IL1RAPL1: variants seen among roughly 807,000 people sequenced by gnomAD.
IL1RAPL1 encodes interleukin 1 receptor accessory protein like 1, also known as interleukin-1 receptor accessory protein-like 1.
IL1RAPL1 carries 3 observed loss-of-function variants against 48.4 expected under a neutral mutation model. That is an observed-to-expected ratio of 0.06 (90% CI 0.03 to 0.16). The LOEUF (loss-of-function observed/expected upper bound fraction) is 0.16, where lower values mean the gene tolerates loss of function less well. IL1RAPL1 is among the 10% of genes least tolerant of loss of function. IL1RAPL1 has a pLI of 1.00. For synonymous variants in IL1RAPL1, 185 were observed against 187.7 expected (o/e 0.99, Z 0.12); for missense variants, 349 against 530.6 (o/e 0.66, Z 3.36).
At chrX:29,416,297 C>T (rs1385036118) in intron 5 of IL1RAPL1, among the ~76,000 whole-genome samples, 1 of 111,436 alleles carries the variant, frequency 9.0e-6, no homozygotes, top group Non-Finnish European at 1.9e-5. Context: ...GACTGTAATC[C>T]TAGCACTTTG....
chrX:28,964,344 C>G (rs970738277), intron 2 of IL1RAPL1, among the ~76,000 whole-genome samples: 1 of 111,611 alleles, frequency 9.0e-6, no homozygotes, highest in Non-Finnish European at 1.9e-5. Context: ...ATCAATGTGT[C>G]TCTGCACATA....
chrX:28,682,601 C>T (rs1280890222), intron 1 of IL1RAPL1, among the ~76,000 whole-genome samples: 2 of 111,831 alleles, frequency 1.8e-5, no homozygotes, highest in Non-Finnish European at 3.8e-5. Flanking sequence ...AGGTATATAA[C>T]TAAGATTGGA....
At chrX:28,862,686 G>T (rs140719642) in intron 2 of IL1RAPL1, among the ~76,000 whole-genome samples, 77 of 111,500 alleles carry the variant, frequency 6.9e-4, no homozygotes, top group Non-Finnish European at 1.2e-3. Context: ...ACTTTGAAAA[G>T]AAATGCTTTC....
chrX:29,857,718 T>C (rs1931501357), intron 6 of IL1RAPL1, among the ~76,000 whole-genome samples: 1 of 111,774 alleles, frequency 8.9e-6, no homozygotes, highest in African/African-American at 3.2e-5. Flanking sequence ...ATATGAATTT[T>C]ATTTGACACA....
intron 6 of IL1RAPL1, among the ~76,000 whole-genome samples, chrX:29,882,593 A>G (rs1601864656): frequency 9.0e-6 from 1 of 111,676 alleles, no homozygotes; most frequent in Admixed American, 9.5e-5. Flanking sequence ...CCTTTATAGT[A>G]TAAAGGTGGA....
At chrX:29,734,145 C>T (rs1381807231) in intron 6 of IL1RAPL1, among the ~76,000 whole-genome samples, 3 of 112,271 alleles carry the variant, frequency 2.7e-5, no homozygotes, top group Non-Finnish European at 5.6e-5. Context: ...TTATTGATTC[C>T]GATTTTCTCT....
In IL1RAPL1 at chrX:29,585,372, C is replaced by T. The variant is rs192391119; in HGVS notation, c.704-83058C>T. Among the ~76,000 whole-genome samples, 320 of 112,141 alleles carry T rather than the reference C, an allele frequency of 2.9e-3. 1 individual carries two copies. The highest frequency in any genetic ancestry group is 1.0e-2 in the South Asian group (27 of 2,702). On this transcript the variant is annotated intron_variant, in intron 5 of 10. Coordinates refer to ENST00000378993, the MANE Select transcript of IL1RAPL1 (RefSeq NM_014271.4). ...CATGTTGCCATTTATTACACAATTT[C>T]CTTCTTTTTAAAAGGTGTATTCCAT...
At chrX:29,335,285 AGG>A (rs1258828926) in intron 3 of IL1RAPL1, among the ~76,000 whole-genome samples, 1 of 1,880 alleles carries the variant, frequency 5.3e-4, no homozygotes, top group Non-Finnish European at 0.012. Flanking sequence ...GAGAGGGGAG[AGG>A]GGAGAGGGGA....
chrX:28,753,971 A>G (rs1051650195), intron 1 of IL1RAPL1, among the ~76,000 whole-genome samples: 9 of 110,964 alleles, frequency 8.1e-5, no homozygotes, highest in African/African-American at 2.9e-4. Context: ...AACACACCCT[A>G]AAAGGTTTTC....
rs1935536006 is a variant in IL1RAPL1 at position 29,524,727 on chromosome X, C to A, written c.703+125419C>A. On this transcript the variant is annotated intron_variant, in intron 5 of 10. Transcript: ENST00000378993. ...ATATTTTTGTACCACGTAAGTTCATCAGAAGCCTGACTTTAATCTCTGATT... is the reference window on the plus strand; with the variant it reads ...ATATTTTTGTACCACGTAAGTTCATAAGAAGCCTGACTTTAATCTCTGATT... 2.7e-5 allele frequency among the ~76,000 whole-genome samples: 3 copies of A among 112,259 alleles called. No homozygotes were observed. The South Asian group carries it at 1.1e-3, about 41-fold the overall frequency.
At chrX:29,865,673 G>A (rs1465434006) in intron 6 of IL1RAPL1, among the ~76,000 whole-genome samples, 3 of 80,074 alleles carry the variant, frequency 3.7e-5, no homozygotes, top group African/African-American at 5.2e-5. Context: ...GTCTTCCTCT[G>A]TCAAATAGGC....
intron 2 of IL1RAPL1, among the ~76,000 whole-genome samples, chrX:29,059,086 G>T (rs765234965): frequency 8.9e-6 from 1 of 112,018 alleles, no homozygotes; most frequent in African/African-American, 3.2e-5. Context: ...AATTTTCACC[G>T]TGCAACTCGG....
intron 2 of IL1RAPL1, among the ~76,000 whole-genome samples, chrX:29,165,768 A>G (rs1233950039): frequency 1.8e-5 from 2 of 111,968 alleles, no homozygotes; most frequent in Non-Finnish European, 3.8e-5. Flanking sequence ...CAGAGAAGCT[A>G]TGTTTAATGT....
At chrX:29,921,110 G>A (rs930842632) in intron 8 of IL1RAPL1, among the ~76,000 whole-genome samples, 2 of 112,230 alleles carry the variant, frequency 1.8e-5, no homozygotes, top group Admixed American at 9.5e-5. Flanking sequence ...AGGGTTAAGT[G>A]CATTTAAATG....
chrX:29,636,654 A>G (rs746431835), intron 5 of IL1RAPL1, among the ~76,000 whole-genome samples: 38 of 112,076 alleles, frequency 3.4e-4, no homozygotes, highest in Admixed American at 1.0e-3. Flanking sequence ...TGTATGATCC[A>G]CTTAGTGTAT....
chrX:29,955,462 A>C lies in IL1RAPL1; in HGVS notation c.1733A>C (p.Gln578Pro), dbSNP rs778644217. 2 of 1,211,628 alleles carry C rather than the reference A, an allele frequency of 1.7e-6. No individual in the cohort carries two copies. Among genetic ancestry groups the C allele is most frequent in the Non-Finnish European group, 2.2e-6 (2 of 895,498 alleles). The change falls in exon 11 of 11, where the codon CAA becomes CCA. Residue 578 changes from glutamine to proline, a missense_variant. Physicochemically the swap from Gln to Pro is moderately conservative, Grantham distance 76 (BLOSUM62 -1). Around this residue, in one of 3 missense-constraint regions of IL1RAPL1, gnomAD observed 46 missense variants for 113.3 expected, o/e 0.41. Transcript: ENST00000378993. ...GAGCAGGCTTTAGATGTCAGTGAGC[A>C]AGGGCCTTTTGGGGAGCTGCAGACT... ...THEQALDVSE[Q>P]GPFGELQTVS...
At chrX:29,242,002 A>C (rs1395004322) in intron 2 of IL1RAPL1, among the ~76,000 whole-genome samples, 3 of 111,725 alleles carry the variant, frequency 2.7e-5, no homozygotes, top group African/African-American at 9.8e-5. Context: ...GCAGACCTGC[A>C]AACAGAGAGT....
At chrX:28,792,605 G>T (rs1315226883) in intron 2 of IL1RAPL1, among the ~76,000 whole-genome samples, 1 of 103,382 alleles carries the variant, frequency 9.7e-6, no homozygotes, top group African/African-American at 3.5e-5. Flanking sequence ...GGCTAACACA[G>T]TGAAACCCCG....
chrX:29,732,123 C>T (rs1375410328), intron 6 of IL1RAPL1, among the ~76,000 whole-genome samples: 1 of 111,765 alleles, frequency 8.9e-6, no homozygotes, highest in African/African-American at 3.3e-5. Flanking sequence ...GACTGGAAAA[C>T]TTAGAAGGAT....
Sources: gnomAD v4.1 joint callset for allele counts (sites outside exome capture counted in the v4.1 genomes callset) on GRCh38, gnomAD v4.1.1 for gene constraint, gnomAD v4.1.1 regional missense constraint, MANE v1.5 for transcripts, NCBI Gene and HGNC (gene_info 2026-07-23, HGNC 2026-07-21) for gene names.